CAB39: variants seen among roughly 807,000 people sequenced by gnomAD.
The protein encoded by CAB39 is calcium binding protein 39.
CAB39 carries 8 observed loss-of-function variants against 40.0 expected under a neutral mutation model. That is an observed-to-expected ratio of 0.20 (90% CI 0.12 to 0.36). The LOEUF (loss-of-function observed/expected upper bound fraction) is 0.36. Among genes scored for constraint, CAB39 ranks in the 10% least tolerant of loss-of-function variants. The pLI is 1.00. For missense variants in CAB39, 270 were observed against 401.1 expected, an observed-to-expected ratio of 0.67 and a Z score of 2.79; for synonymous variants, 156 against 141.6, an observed-to-expected ratio of 1.10 and a Z score of -0.72.
intron 2 of CAB39, among the ~76,000 whole-genome samples, chr2:230,787,316 G>A (rs918477137): frequency 1.2e-4 from 19 of 152,110 alleles, no homozygotes; most frequent in African/African-American, 2.2e-4. Flanking sequence ...CTATTCATGC[G>A]TCATTCCTTT....
chr2:230,725,083 G>T (rs1036262365), intron 1 of CAB39: 2 of 1,561,046 alleles, frequency 1.3e-6, no homozygotes, highest in East Asian at 4.5e-5. Context: ...CAGGGGAGGA[G>T]TCCCTACTCG....
chr2:230,794,598 A>G (rs1391374057), intron 4 of CAB39, among the ~76,000 whole-genome samples: 1 of 152,222 alleles, frequency 6.6e-6, no homozygotes, highest in East Asian at 1.9e-4. Flanking sequence ...TACAATTTAC[A>G]GTTTAGAGCT....
intron 1 of CAB39, among the ~76,000 whole-genome samples, chr2:230,719,111 G>T (rs758375466): frequency 2.0e-4 from 31 of 152,314 alleles, no homozygotes; most frequent in Admixed American, 3.9e-4. Context: ...TGGGAGGCGT[G>T]TATGAAGTTA....
chr2:230,818,165 A>G, intron 8 of CAB39: 1 of 467,592 alleles, frequency 2.1e-6, no homozygotes, highest in South Asian at 3.3e-5. Context: ...AAACAAAAGC[A>G]TTTCTTAATG....
intron 1 of CAB39, among the ~76,000 whole-genome samples, chr2:230,719,342 T>C (rs1320819632): frequency 6.6e-6 from 1 of 152,208 alleles, no homozygotes; most frequent in Non-Finnish European, 1.5e-5. Context: ...CTTCAAAATA[T>C]GTGCTCCCTG....
chr2:230,794,780 C>T (rs912131299), intron 4 of CAB39, among the ~76,000 whole-genome samples: 1 of 152,176 alleles, frequency 6.6e-6, no homozygotes. Context: ...TCAACAGTTA[C>T]GAATGTTCTG....
chr2:230,749,741 T>C (rs1695053623), intron 1 of CAB39, among the ~76,000 whole-genome samples: 1 of 152,210 alleles, frequency 6.6e-6, no homozygotes, highest in Non-Finnish European at 1.5e-5. Flanking sequence ...CCTACTGTAT[T>C]AAATAACTAT....
At chr2:230,803,014 C>G (rs756977932) in intron 5 of CAB39, among the ~76,000 whole-genome samples, 2 of 152,196 alleles carry the variant, frequency 1.3e-5, no homozygotes, top group Non-Finnish European at 2.9e-5. Context: ...CAATGAAATA[C>G]TGGCGAACTG....
chr2:230,818,809 GT>G lies in CAB39; in HGVS notation c.*107del, dbSNP rs1450425766. ...TGAGGAACATTACTGCTAATCTGCT[GT>G]TAAGTGAACGGTTTTTCATTTTACC... On this transcript the variant is annotated 3_prime_UTR_variant, in exon 9 of 9. Transcript: ENST00000258418. 1.1e-6 allele frequency: 1 copy of G among 904,488 alleles called. No homozygotes were observed. Among genetic ancestry groups the G allele is most frequent in the Non-Finnish European group, 1.7e-6 (1 of 591,574 alleles). 56.0% of individuals were successfully genotyped at this position (904,488 alleles called of 1,614,324 possible). A position where few individuals can be genotyped will look rare whatever the true frequency, so the allele number is the denominator to read the frequency against.
chr2:230,736,261 T>G (rs1694787094), intron 1 of CAB39, among the ~76,000 whole-genome samples: 1 of 152,212 alleles, frequency 6.6e-6, no homozygotes. Context: ...TTTAACAAAT[T>G]TAGCATGGTG....
At chr2:230,714,955 T>C (rs34357803) in intron 1 of CAB39, among the ~76,000 whole-genome samples, 1 of 152,246 alleles carries the variant, frequency 6.6e-6, no homozygotes. Context: ...TTCAAAATAA[T>C]ACATGATCTT....
chr2:230,818,364 A>G, intron 8 of CAB39, 152 bp from the exon 9 acceptor site: 1 of 576,876 alleles, frequency 1.7e-6, no homozygotes, highest in Non-Finnish European at 3.0e-6. Flanking sequence ...TCCAAATTGT[A>G]AAATAACGCC....
intron 2 of CAB39, among the ~76,000 whole-genome samples, chr2:230,781,702 G>A (rs781235956): frequency 2.0e-5 from 3 of 152,176 alleles, no homozygotes; most frequent in Non-Finnish European, 4.4e-5. Flanking sequence ...GGGGACCAAT[G>A]GGGTGGTAGG....
At chr2:230,763,170 A>G (rs1351118564) in intron 2 of CAB39, among the ~76,000 whole-genome samples, 1 of 152,252 alleles carries the variant, frequency 6.6e-6, no homozygotes, top group African/African-American at 2.4e-5. Flanking sequence ...AAATTTAGTG[A>G]GAAGTGTAGC....
chr2:230,809,698 T>C (rs760791430), intron 5 of CAB39, among the ~76,000 whole-genome samples: 18 of 151,882 alleles, frequency 1.2e-4, no homozygotes, highest in Admixed American at 1.3e-4. Flanking sequence ...TCACAGTCGT[T>C]GTTAATTCTA....
At chr2:230,803,759 A>G (rs1204539953) in intron 5 of CAB39, among the ~76,000 whole-genome samples, 2 of 152,266 alleles carry the variant, frequency 1.3e-5, no homozygotes, top group African/African-American at 4.8e-5. Flanking sequence ...AAGAGGACAC[A>G]AACGGAAGAA....
intron 1 of CAB39, among the ~76,000 whole-genome samples, chr2:230,721,219 T>G (rs1356323892): frequency 6.6e-6 from 1 of 152,128 alleles, no homozygotes; most frequent in Non-Finnish European, 1.5e-5. Flanking sequence ...TCACTTAAGG[T>G]CAGGAGTTCA....
chr2:230,771,897 G>A (rs1406881321), intron 2 of CAB39, among the ~76,000 whole-genome samples: 1 of 151,760 alleles, frequency 6.6e-6, no homozygotes, highest in African/African-American at 2.4e-5. Flanking sequence ...TAGGCAGAAA[G>A]ATAGGACTCA....
intron 3 of CAB39, among the ~76,000 whole-genome samples, chr2:230,792,083 G>A (rs1695902239): frequency 6.6e-6 from 1 of 152,144 alleles, no homozygotes; most frequent in African/African-American, 2.4e-5. Context: ...CATAAGTTGA[G>A]TATAATACTG....
Sources: gnomAD v4.1 joint callset for allele counts (sites outside exome capture counted in the v4.1 genomes callset) on GRCh38, gnomAD v4.1.1 for gene constraint, MANE v1.5 for transcripts, NCBI Gene and HGNC (gene_info 2026-07-23, HGNC 2026-07-21) for gene names.